PSD3: variants seen among roughly 807,000 people sequenced by gnomAD.
PSD3 encodes the protein pleckstrin and Sec7 domain containing 3.
A neutral mutation model predicts 105.5 loss-of-function variants in PSD3; 49 were observed. That is an observed-to-expected ratio of 0.46 (90% CI 0.37 to 0.59). The LOEUF (loss-of-function observed/expected upper bound fraction) is 0.59. Among genes scored for constraint, PSD3 ranks in the 20% least tolerant of loss-of-function variants. The pLI is 0.00. For synonymous variants in PSD3, 557 were observed against 457.8 expected, an observed-to-expected ratio of 1.22 and a Z score of -2.77; for missense variants, 1,561 against 1,263.8, an observed-to-expected ratio of 1.24 and a Z score of -3.57.
chr8:18,953,794 G>A (rs552394146), intron 1 of PSD3, among the ~76,000 whole-genome samples: 47 of 152,080 alleles, frequency 3.1e-4, no homozygotes, highest in Middle Eastern at 6.8e-3. Context: ...CGATAGGATG[G>A]AATACAGTGG....
chr8:18,590,088 G>T (rs925599163), intron 12 of PSD3, among the ~76,000 whole-genome samples: 3 of 152,094 alleles, frequency 2.0e-5, no homozygotes, highest in Non-Finnish European at 4.4e-5. Context: ...ATACAGTATA[G>T]TTGAAATATA....
At chr8:18,747,963 G>T (rs939232375) in intron 9 of PSD3, among the ~76,000 whole-genome samples, 1 of 152,102 alleles carries the variant, frequency 6.6e-6, no homozygotes, top group African/African-American at 2.4e-5. Flanking sequence ...GAAAGGTTTG[G>T]AAAGACTACG....
chr8:18,610,718 T>A (rs1189194754), intron 11 of PSD3, among the ~76,000 whole-genome samples: 1 of 152,212 alleles, frequency 6.6e-6, no homozygotes, highest in African/African-American at 2.4e-5. Flanking sequence ...AAAGAGAGAA[T>A]TGGAAGAATA....
chr8:18,732,490 C>T (rs1803833568), intron 9 of PSD3, among the ~76,000 whole-genome samples: 2 of 152,246 alleles, frequency 1.3e-5, no homozygotes, highest in South Asian at 4.1e-4. Context: ...ACCCCATGTG[C>T]TAATGGCCGA....
intron 11 of PSD3, among the ~76,000 whole-genome samples, chr8:18,619,435 A>G (rs1156528725): frequency 6.6e-6 from 1 of 152,118 alleles, no homozygotes; most frequent in Non-Finnish European, 1.5e-5. Flanking sequence ...ATCTGAGATA[A>G]GGAGTTTGAG....
chr8:18,647,653 A>AT (rs202230990), intron 10 of PSD3, among the ~76,000 whole-genome samples: 11,898 of 124,442 alleles, frequency 0.096, 559 homozygotes, highest in East Asian at 0.16. Context: ...CCAATACATG[A>AT]TTTTTTTTTT....
rs757063947 is a variant in PSD3 at position 18,872,748 on chromosome 8, C to T, written c.131-15G>A. ...TCCATGATCACCTGTGAAGAGAACA[C>T]AATGGACATATGACTTGTTGTAGAA... On this transcript the variant is annotated splice_polypyrimidine_tract_variant and intron_variant, in intron 2 of 15. Transcript: ENST00000327040. The T allele has an allele frequency of 6.5e-7, 1 of 1,528,022 alleles. No individual in the cohort carries two copies. The allele number at this position is 1,528,022 out of a possible 1,614,324, so 94.7% of individuals were successfully genotyped here.
chr8:18,590,863 C>A (rs1227271863), intron 12 of PSD3, among the ~76,000 whole-genome samples: 2 of 151,908 alleles, frequency 1.3e-5, no homozygotes, highest in African/African-American at 2.4e-5. Context: ...TTGATGAAAA[C>A]CAAAAATGTT....
chr8:18,584,152 G>A (rs548958866), intron 12 of PSD3, among the ~76,000 whole-genome samples: 3 of 152,164 alleles, frequency 2.0e-5, no homozygotes, highest in East Asian at 1.9e-4. Context: ...TAGAAGATAC[G>A]AGACATTTTC....
At chr8:18,790,447 C>T (rs896371582) in intron 8 of PSD3, among the ~76,000 whole-genome samples, 1 of 151,712 alleles carries the variant, frequency 6.6e-6, no homozygotes, top group East Asian at 1.9e-4. Flanking sequence ...GGACTACAGG[C>T]TCCCGCCACC....
At chr8:18,656,877 G>C (rs894473291) in intron 9 of PSD3, among the ~76,000 whole-genome samples, 1 of 152,154 alleles carries the variant, frequency 6.6e-6, no homozygotes, top group Non-Finnish European at 1.5e-5. Context: ...ATGCCACAGT[G>C]TCTGGCTTTA....
intron 1 of PSD3, among the ~76,000 whole-genome samples, chr8:18,959,543 C>T (rs575322619): frequency 1.3e-5 from 2 of 151,934 alleles, no homozygotes; most frequent in South Asian, 2.1e-4. Flanking sequence ...CACTAAGCAA[C>T]GGTGCTCATC....
At position 18,971,675 on chromosome 8, in the gene PSD3, G is replaced by T. The variant is rs909471553; in HGVS notation, c.22-35533C>A. Reference sequence around the variant, plus strand: ...GATAATTCTGCCATGGAGGGATGTGGAAAATAGGATTCGGAGGGTCCCTTC... The same window carrying T: ...GATAATTCTGCCATGGAGGGATGTGTAAAATAGGATTCGGAGGGTCCCTTC... On this transcript the variant is annotated intron_variant, in intron 1 of 15. Coordinates refer to ENST00000327040, the MANE Select transcript of PSD3 (RefSeq NM_015310.4). 3.3e-5 allele frequency among the ~76,000 whole-genome samples: 5 copies of T among 152,274 alleles called. No homozygotes were observed. In the South Asian group the frequency reaches 1.0e-3, roughly 32 times the overall value.
intron 4 of PSD3, among the ~76,000 whole-genome samples, chr8:18,861,925 T>C (rs1816482710): frequency 6.6e-6 from 1 of 151,980 alleles, no homozygotes; most frequent in African/African-American, 2.4e-5. Flanking sequence ...TCACCTCTTC[T>C]CTTCAGTCTC....
At chr8:18,655,907 G>C (rs1269457044) in intron 9 of PSD3, among the ~76,000 whole-genome samples, 1 of 152,092 alleles carries the variant, frequency 6.6e-6, no homozygotes, top group African/African-American at 2.4e-5. Context: ...AGTTATAACT[G>C]TCTTTTATCA....
intron 9 of PSD3, among the ~76,000 whole-genome samples, chr8:18,754,422 G>A (rs980741434): frequency 6.6e-6 from 1 of 152,122 alleles, no homozygotes; most frequent in African/African-American, 2.4e-5. Context: ...AAAAATTTAT[G>A]TAATAACCTA....
At chr8:19,017,781 G>A (rs1827224205), upstream of PSD3, among the ~76,000 whole-genome samples, 1 of 152,094 alleles carries the variant, frequency 6.6e-6, no homozygotes, top group South Asian at 2.1e-4. Flanking sequence ...GTGTGGATAG[G>A]CCACATTTTA....
intron 1 of PSD3, among the ~76,000 whole-genome samples, chr8:19,032,170 A>G (rs1324862258): frequency 6.6e-6 from 1 of 152,088 alleles, no homozygotes; most frequent in East Asian, 1.9e-4. Flanking sequence ...GTTAAAAATA[A>G]TTTCCTTTTA....
At chr8:19,038,611 C>T (rs1157046131) in intron 1 of PSD3, among the ~76,000 whole-genome samples, 1 of 152,096 alleles carries the variant, frequency 6.6e-6, no homozygotes, top group Non-Finnish European at 1.5e-5. Context: ...CAAGCATGTA[C>T]CACCATGCCC....
Sources: allele counts gnomAD v4.1 joint callset (sites outside exome capture counted in the v4.1 genomes callset), GRCh38; gene constraint gnomAD v4.1.1; transcripts MANE v1.5; gene names NCBI Gene and HGNC (gene_info 2026-07-23, HGNC 2026-07-21).